DENND1A: variants seen among roughly 807,000 people sequenced by gnomAD.
DENND1A encodes the protein DENN domain-containing protein 1A.
Under a neutral mutation model 113.7 loss-of-function variants are expected in DENND1A, and 51 were observed. The observed-to-expected ratio is 0.45, with a 90% CI of 0.36 to 0.57. The LOEUF is 0.57. Among genes scored for constraint, DENND1A ranks in the 20% least tolerant of loss-of-function variants. The pLI, the probability that DENND1A is intolerant of heterozygous loss-of-function variation, is 0.00. For missense variants in DENND1A, 1,258 were observed against 1,395.9 expected, an observed-to-expected ratio of 0.90 and a Z score of 1.57; for synonymous variants, 565 against 570.8, an observed-to-expected ratio of 0.99 and a Z score of 0.14.
intron 13 of DENND1A, among the ~76,000 whole-genome samples, chr9:123,467,899 G>C (rs886140165): frequency 3.3e-5 from 5 of 152,090 alleles, no homozygotes; most frequent in African/African-American, 1.2e-4. Flanking sequence ...TCCTGCAGAG[G>C]TTCTGGGCTG....
chr9:123,383,101 G>A (rs1564395190), intron 23 of DENND1A, among the ~76,000 whole-genome samples: 2 of 152,198 alleles, frequency 1.3e-5, no homozygotes, highest in African/African-American at 2.4e-5. Context: ...CCAGGTCCTC[G>A]TTCCCAGCAG....
Position 123,685,910 on chromosome 9 carries a change from T to C in DENND1A, c.303-9121A>G, listed in dbSNP as rs998707688. On this transcript the variant is annotated intron_variant, in intron 5 of 23. Transcript: ENST00000394215. ...TATTTTATGGTTTAAATTACTACTG[T>C]AATATAATGTAATGGGTTAGTGAGG... Among the ~76,000 whole-genome samples, 12 of 151,976 alleles carry C rather than the reference T, an allele frequency of 7.9e-5. No individual in the cohort carries two copies. The East Asian group carries it at 2.3e-3, about 29-fold the overall frequency.
rs752791064 is a variant in DENND1A, at chr9:123,452,276, G to A, written c.1299C>T (p.Phe433=). 5.0e-6 allele frequency: 8 copies of A among 1,614,134 alleles called. No individual in the cohort carries two copies. The highest frequency in any genetic ancestry group is 2.2e-5 in the East Asian group (1 of 44,894). ...ANPAMKTVYK[F]AKDHAKMGIK... is the part of the protein sequence containing the mutation. ...TCCTGACAGCAAGACCAGTACTTAC[G>A]AACTTGTAGACAGTCTTCATGGCCG... Residue 433 remains phenylalanine (F), a splice_region_variant and synonymous_variant, in exon 17 of 24, where the codon TTC becomes TTT. Transcript: ENST00000394215.
At chr9:123,747,063 T>TA (rs1165911254) in intron 5 of DENND1A, among the ~76,000 whole-genome samples, 1 of 151,968 alleles carries the variant, frequency 6.6e-6, no homozygotes, top group African/African-American at 2.4e-5. Context: ...TTTAACCACT[T>TA]AAAAACTTGT....
At chr9:123,839,755 A>G (rs1020621695) in intron 2 of DENND1A, among the ~76,000 whole-genome samples, 1 of 152,208 alleles carries the variant, frequency 6.6e-6, no homozygotes, top group African/African-American at 2.4e-5. Flanking sequence ...GTGCAAATAC[A>G]ATCTGTCTAT....
At chr9:123,591,006 C>T (rs146462551) in intron 11 of DENND1A, among the ~76,000 whole-genome samples, 1 of 152,196 alleles carries the variant, frequency 6.6e-6, no homozygotes, top group East Asian at 1.9e-4. Context: ...TCATCTAGTC[C>T]AGGATTTTTA....
At chr9:123,585,780 G>C (rs2059134000) in intron 11 of DENND1A, among the ~76,000 whole-genome samples, 1 of 152,160 alleles carries the variant, frequency 6.6e-6, no homozygotes, top group Non-Finnish European at 1.5e-5. Flanking sequence ...CCAAGAAGTA[G>C]CTTGCCCAAG....
intron 13 of DENND1A, among the ~76,000 whole-genome samples, chr9:123,493,991 A>G (rs1361568272): frequency 2.0e-5 from 3 of 152,190 alleles, no homozygotes; most frequent in Non-Finnish European, 4.4e-5. Context: ...TCTCTGCACC[A>G]GGGATGCTAC....
At chr9:123,425,691 G>C (rs925296666) in intron 19 of DENND1A, among the ~76,000 whole-genome samples, 6 of 152,216 alleles carry the variant, frequency 3.9e-5, no homozygotes, top group African/African-American at 9.6e-5. Context: ...GGCCAATTCT[G>C]TCCTTTTCTG....
At chr9:123,586,799 G>A (rs993533903) in intron 11 of DENND1A, among the ~76,000 whole-genome samples, 5 of 152,144 alleles carry the variant, frequency 3.3e-5, no homozygotes, top group East Asian at 1.9e-4. Flanking sequence ...AAGCCAGACC[G>A]TCGCCAGGTG....
intron 7 of DENND1A, among the ~76,000 whole-genome samples, chr9:123,668,525 C>T (rs965552988): frequency 2.0e-5 from 3 of 152,120 alleles, no homozygotes; most frequent in Admixed American, 1.3e-4. Flanking sequence ...TAAATTAATG[C>T]TCACAGAGGT....
At chr9:123,585,932 G>A (rs762745001) in intron 11 of DENND1A, among the ~76,000 whole-genome samples, 11 of 152,106 alleles carry the variant, frequency 7.2e-5, no homozygotes, top group South Asian at 4.1e-4. Context: ...GTAATAAATC[G>A]TGGCTATTAT....
chr9:123,852,008 C>T (rs896821038), intron 2 of DENND1A, among the ~76,000 whole-genome samples: 5 of 152,208 alleles, frequency 3.3e-5, no homozygotes, highest in Admixed American at 3.3e-4. Context: ...AAACTTCCAA[C>T]ATTTGCCCAG....
At chr9:123,556,646 G>A (rs986031975) in intron 13 of DENND1A, among the ~76,000 whole-genome samples, 3 of 152,190 alleles carry the variant, frequency 2.0e-5, no homozygotes, top group African/African-American at 7.2e-5. Flanking sequence ...TTCTGACTCC[G>A]ACTAGGCTGG....
chr9:123,598,387 C>G (rs946738583), intron 11 of DENND1A, among the ~76,000 whole-genome samples: 2 of 150,932 alleles, frequency 1.3e-5, no homozygotes, highest in African/African-American at 4.9e-5. Flanking sequence ...GAACTCTGAT[C>G]TCCCCTGATT....
At chr9:123,901,267 C>T (rs1196425560) in intron 1 of DENND1A, among the ~76,000 whole-genome samples, 1 of 152,052 alleles carries the variant, frequency 6.6e-6, no homozygotes, top group East Asian at 1.9e-4. Flanking sequence ...AAGATGGTGC[C>T]CTGGACCAAG....
chr9:123,726,817 T>G (rs1387354242), intron 5 of DENND1A, among the ~76,000 whole-genome samples: 1 of 152,176 alleles, frequency 6.6e-6, no homozygotes, highest in Non-Finnish European at 1.5e-5. Flanking sequence ...CACATAAACA[T>G]TTTTTTGGAG....
chr9:123,901,899 G>C (rs556156937), intron 1 of DENND1A, among the ~76,000 whole-genome samples: 159 of 152,168 alleles, frequency 1.0e-3, no homozygotes, highest in African/African-American at 3.8e-3. Context: ...CCAGCTACTC[G>C]AGAGGCTGAG....
chr9:123,527,210 T>A (rs1178767942), intron 13 of DENND1A, among the ~76,000 whole-genome samples: 2 of 152,212 alleles, frequency 1.3e-5, no homozygotes, highest in African/African-American at 2.4e-5. Context: ...CAGGCCACCA[T>A]CTTCTTTCTG....
Sources: allele counts gnomAD v4.1 joint callset (sites outside exome capture counted in the v4.1 genomes callset), GRCh38; gene constraint gnomAD v4.1.1; transcripts MANE v1.5; gene names NCBI Gene and HGNC (gene_info 2026-07-23, HGNC 2026-07-21).